Variants in GRIK2 observed in about 807,000 individuals in gnomAD.
GRIK2 encodes glutamate receptor ionotropic, kainate 2.
A neutral mutation model predicts 100.3 loss-of-function variants in GRIK2; 32 were observed. That is an observed-to-expected ratio of 0.32 (90% CI 0.24 to 0.43). GRIK2 has a LOEUF of 0.43. GRIK2 is among the 20% of genes least tolerant of loss of function. The probability of loss-of-function intolerance (pLI) is 1.00; values close to 1 mark genes in which losing one functional copy is unlikely to be tolerated. For synonymous variants in GRIK2, 417 were observed against 389.4 expected (o/e 1.07, Z -0.83); for missense variants, 843 against 1,114.9 (o/e 0.76, Z 3.47).
At chr6:101,802,533 A>C (rs1248668202) in intron 9 of GRIK2, 95 bp downstream of exon 9, 1 of 461,548 alleles carries the variant, frequency 2.2e-6, no homozygotes, top group African/African-American at 2.0e-5. Context: ...ATTGACATTT[A>C]ACTTTATTGA....
intron 8 of GRIK2, among the ~76,000 whole-genome samples, chr6:101,800,475 A>G (rs534715869): frequency 4.3e-4 from 65 of 152,234 alleles, no homozygotes; most frequent in Middle Eastern, 3.5e-3. Context: ...CTTTTCATAG[A>G]TGAAAGTTTA....
chr6:101,611,826 A>C (rs1779689592), intron 2 of GRIK2, among the ~76,000 whole-genome samples: 1 of 151,824 alleles, frequency 6.6e-6, no homozygotes. Context: ...TCCACGGGTC[A>C]CATGTATATA....
intron 2 of GRIK2, among the ~76,000 whole-genome samples, chr6:101,449,706 G>T (rs796768415): frequency 6.6e-5 from 9 of 135,504 alleles, no homozygotes; most frequent in African/African-American, 2.4e-4. Context: ...ATTCTGCATA[G>T]TATTCTTTGA....
intron 2 of GRIK2, among the ~76,000 whole-genome samples, chr6:101,472,838 A>C (rs1322041398): frequency 6.6e-6 from 1 of 151,852 alleles, no homozygotes; most frequent in Non-Finnish European, 1.5e-5. Context: ...GTATATATTC[A>C]GAATTTGGAA....
rs536557767 is a variant in GRIK2, at chr6:101,696,079, A to G, written c.951+9726A>G. Among the ~76,000 whole-genome samples, 4 of 152,172 alleles carry G rather than the reference A, an allele frequency of 2.6e-5. No individual in the cohort carries two copies. The South Asian group carries it at 8.3e-4, about 31-fold the overall frequency. ...ATTTTTGTTATTAAATATTAGCTAT[A>G]AACTATTAAAATATTAAAAAACAAA... On this transcript the variant is annotated intron_variant, in intron 7 of 16. Coordinates refer to ENST00000369134, the MANE Select transcript of GRIK2 (RefSeq NM_021956.5).
At position 101,945,332 on chromosome 6, in the gene GRIK2, T is replaced by C. The variant is rs554635297; in HGVS notation, c.2085+16700T>C. On this transcript the variant is annotated intron_variant, in intron 14 of 16. Coordinates refer to ENST00000369134, the MANE Select transcript of GRIK2 (RefSeq NM_021956.5). ...TCTCTAATAATTTTTATATTGAGAA[T>C]GTCTCATAGTCACTTAAAATCCAGT... Among the ~76,000 whole-genome samples, 11 of 152,324 alleles carry C rather than the reference T, an allele frequency of 7.2e-5. No individual in the cohort carries two copies. The South Asian group carries it at 1.4e-3, about 20-fold the overall frequency.
rs1201122942 is a variant in GRIK2 at position 101,818,440 on chromosome 6, C to T, written c.1274C>T (p.Thr425Ile). Reference protein sequence around the residue: ...ESQKGKPANITDSLSNRSLIV... With the variant: ...ESQKGKPANIIDSLSNRSLIV... ...CAAAAGGGAAAGCCAGCGAACATCA[C>T]AGATTCCTTATCCAATCGTTCTTTG... The change falls in exon 10 of 17, where the codon ACA becomes ATA. Residue 425 changes from threonine to isoleucine, a missense_variant. By Grantham distance (89) the Thr-to-Ile change is moderately conservative (BLOSUM62 -1). Coordinates refer to ENST00000369134, the MANE Select transcript of GRIK2 (RefSeq NM_021956.5). The T allele has an allele frequency of 1.9e-6, 3 of 1,610,698 alleles. No individual in the cohort carries two copies. In the Admixed American group the frequency reaches 5.0e-5, roughly 27 times the overall value.
At chr6:101,963,064 A>G (rs905106434) in intron 14 of GRIK2, among the ~76,000 whole-genome samples, 4 of 151,642 alleles carry the variant, frequency 2.6e-5, no homozygotes, top group Admixed American at 6.6e-5. Context: ...TATTATTGAT[A>G]TAGTTAAATT....
At chr6:101,949,662 T>C (rs911402189) in intron 14 of GRIK2, among the ~76,000 whole-genome samples, 1 of 152,212 alleles carries the variant, frequency 6.6e-6, no homozygotes, top group Non-Finnish European at 1.5e-5. Flanking sequence ...TCTTCATCCA[T>C]GTCCCTGCAA....
chr6:101,662,563 A>G (rs1769707550), intron 4 of GRIK2, among the ~76,000 whole-genome samples: 1 of 151,998 alleles, frequency 6.6e-6, no homozygotes, highest in Non-Finnish European at 1.5e-5. Flanking sequence ...CTCACCTTCT[A>G]CTGTCACAGC....
At chr6:101,703,174 A>G (rs1047951238) in intron 7 of GRIK2, among the ~76,000 whole-genome samples, 3 of 151,850 alleles carry the variant, frequency 2.0e-5, no homozygotes, top group African/African-American at 7.2e-5. Context: ...ATTGTAGAAT[A>G]AATTTGTGAG....
At chr6:101,854,283 A>G (rs1427397344) in intron 10 of GRIK2, among the ~76,000 whole-genome samples, 2 of 152,268 alleles carry the variant, frequency 1.3e-5, no homozygotes, top group South Asian at 4.1e-4. Flanking sequence ...TTAATTTGAG[A>G]CAGTCTTGTT....
chr6:102,026,328 C>T (rs896123975), intron 14 of GRIK2, among the ~76,000 whole-genome samples: 52 of 150,480 alleles, frequency 3.5e-4, no homozygotes, highest in African/African-American at 1.1e-3. Context: ...AATACTTCCA[C>T]GATATTGTTA....
chr6:102,018,519 T>C (rs1769245567), intron 14 of GRIK2, among the ~76,000 whole-genome samples: 1 of 152,034 alleles, frequency 6.6e-6, no homozygotes, highest in African/African-American at 2.4e-5. Flanking sequence ...TATCTTTTAG[T>C]TTCCCCCCAC....
At chr6:101,506,473 A>G (rs1480631205) in intron 2 of GRIK2, among the ~76,000 whole-genome samples, 2 of 152,104 alleles carry the variant, frequency 1.3e-5, no homozygotes, top group Non-Finnish European at 2.9e-5. Flanking sequence ...GATATTTCTA[A>G]ATATATGATT....
chr6:101,986,590 T>A (rs1323633468), intron 14 of GRIK2, among the ~76,000 whole-genome samples: 1 of 151,930 alleles, frequency 6.6e-6, no homozygotes, highest in East Asian at 1.9e-4. Flanking sequence ...CTATTAGGTA[T>A]GGTTGAGCAT....
chr6:101,629,664 A>G (rs951234202), intron 4 of GRIK2, among the ~76,000 whole-genome samples: 2 of 152,268 alleles, frequency 1.3e-5, no homozygotes, highest in Admixed American at 6.6e-5. Context: ...TTATAAATAT[A>G]TAGTAGACTT....
chr6:101,943,740 C>T (rs185516527), intron 14 of GRIK2, among the ~76,000 whole-genome samples: 29 of 152,256 alleles, frequency 1.9e-4, no homozygotes, highest in Non-Finnish European at 3.7e-4. Context: ...TTACCCAATG[C>T]CTAGATCTTC....
chr6:101,781,583 TATATACATACATAC>T (rs1435140612), intron 7 of GRIK2, among the ~76,000 whole-genome samples: 6 of 152,150 alleles, frequency 3.9e-5, no homozygotes, highest in Non-Finnish European at 7.3e-5. Context: ...ACCCCTCTGG[TATATACATACATAC>T]ATATACATAC....
Sources: allele counts gnomAD v4.1 joint callset (sites outside exome capture counted in the v4.1 genomes callset), GRCh38; gene constraint gnomAD v4.1.1; transcripts MANE v1.5; gene names NCBI Gene and HGNC (gene_info 2026-07-23, HGNC 2026-07-21).